GLRA2: variants seen among roughly 807,000 people sequenced by gnomAD.
GLRA2 encodes glycine receptor subunit alpha-2.
GLRA2 carries 11 observed loss-of-function variants against 31.6 expected under a neutral mutation model. The observed-to-expected ratio is 0.35, with a 90% CI of 0.22 to 0.58. The LOEUF (loss-of-function observed/expected upper bound fraction) is 0.58. GLRA2 is among the 20% of genes least tolerant of loss of function. GLRA2 has a pLI of 0.84. For synonymous variants in GLRA2, 132 were observed against 134.0 expected (o/e 0.99, Z 0.10); for missense variants, 212 against 351.8 (o/e 0.60, Z 3.18).
At chrX:14,545,858 C>T (rs765790071) in intron 2 of GLRA2, among the ~76,000 whole-genome samples, 1 of 110,969 alleles carries the variant, frequency 9.0e-6, no homozygotes, top group East Asian at 2.9e-4. Context: ...TCTTTGGAAT[C>T]CTGAGATTTG....
intron 7 of GLRA2, among the ~76,000 whole-genome samples, chrX:14,666,103 A>C (rs1449673421): frequency 8.9e-6 from 1 of 112,490 alleles, no homozygotes; most frequent in South Asian, 3.7e-4. Context: ...AGAGAAAATC[A>C]GGCAAAATGA....
intron 7 of GLRA2, among the ~76,000 whole-genome samples, chrX:14,682,306 C>T (rs1569521144): frequency 9.0e-6 from 1 of 110,846 alleles, no homozygotes; most frequent in Non-Finnish European, 1.9e-5. Flanking sequence ...AGTGCTAGAT[C>T]ATTTTATCAC....
chrX:14,480,068 G>A, the GLRA2 span, among the ~76,000 whole-genome samples: 2 of 111,692 alleles, frequency 1.8e-5, no homozygotes, highest in South Asian at 7.5e-4. Context: ...CACTCTGACT[G>A]TTGTAAGATG....
At chrX:14,550,115 T>C in intron 2 of GLRA2, among the ~76,000 whole-genome samples, 1 of 110,653 alleles carries the variant, frequency 9.0e-6, no homozygotes, top group Non-Finnish European at 1.9e-5. Flanking sequence ...AGAGTGGTGA[T>C]ACAAAAGCCC....
chrX:14,522,573 A>G, the GLRA2 span, among the ~76,000 whole-genome samples: 1 of 112,380 alleles, frequency 8.9e-6, no homozygotes, highest in Non-Finnish European at 1.9e-5. Context: ...ATCACTGTCT[A>G]TGGCAGCTAT....
At chrX:14,593,809 A>G (rs2090170597) in intron 4 of GLRA2, among the ~76,000 whole-genome samples, 1 of 112,947 alleles carries the variant, frequency 8.9e-6, no homozygotes, top group Non-Finnish European at 1.9e-5. Flanking sequence ...TACTTGTACC[A>G]TTCAGGCTCC....
Position 14,730,291 on chromosome X carries a change from G to A in GLRA2, c.1165G>A (p.Val389Ile). 1 of 1,208,171 alleles carries A rather than the reference G, an allele frequency of 8.3e-7. No individual in the cohort carries two copies. Among genetic ancestry groups the A allele is most frequent in the Non-Finnish European group, 1.1e-6 (1 of 892,438 alleles). Reference protein sequence around the residue: ...HCLQVKDGTAVKATPANPLPQ... With the variant: ...HCLQVKDGTAIKATPANPLPQ... ...CCTCCAAGTGAAAGATGGAACAGCT[G>A]TCAAGGCCACACCTGCCAACCCACT... The change falls in exon 9 of 9, where the codon GTC becomes ATC. Residue 389 changes from valine to isoleucine, a missense_variant. Physicochemically the swap from Val to Ile is conservative, Grantham distance 29. This residue lies in a region of GLRA2 where 42 missense variants were observed against 52.0 expected (regional missense o/e 0.81). Coordinates refer to ENST00000218075, the MANE Select transcript of GLRA2 (RefSeq NM_002063.4).
At chrX:14,513,033 T>C in the GLRA2 span, among the ~76,000 whole-genome samples, 1 of 111,813 alleles carries the variant, frequency 8.9e-6, no homozygotes, top group Non-Finnish European at 1.9e-5. Context: ...AAGGCCATAG[T>C]CACCAAAACA....
chrX:14,655,438 C>G (rs2090929912), intron 7 of GLRA2, among the ~76,000 whole-genome samples: 1 of 111,302 alleles, frequency 9.0e-6, no homozygotes, highest in African/African-American at 3.3e-5. Flanking sequence ...GGCTTAACTT[C>G]ATTTTTGTTC....
chrX:14,670,965 A>AT (rs1469980154), intron 7 of GLRA2, among the ~76,000 whole-genome samples: 7 of 111,834 alleles, frequency 6.3e-5, no homozygotes, highest in Non-Finnish European at 1.1e-4. Flanking sequence ...ATGCTGAATG[A>AT]TTCTCGCACA....
chrX:14,727,334 A>G (rs761460616), intron 8 of GLRA2, among the ~76,000 whole-genome samples: 12 of 112,261 alleles, frequency 1.1e-4, no homozygotes, highest in Admixed American at 1.9e-4. Context: ...CTTTGAAAGA[A>G]TAAGTAGCTT....
intron 2 of GLRA2, among the ~76,000 whole-genome samples, chrX:14,570,348 A>G (rs1024898122): frequency 8.9e-6 from 1 of 112,826 alleles, no homozygotes; most frequent in African/African-American, 3.2e-5. Context: ...AAGAAACTAC[A>G]TAACTATTCA....
chrX:14,466,162 C>A, the GLRA2 span, among the ~76,000 whole-genome samples: 1 of 111,417 alleles, frequency 9.0e-6, no homozygotes, highest in South Asian at 3.7e-4. Context: ...GGCAGAATCC[C>A]CAACTAAGGG....
chrX:14,716,264 A>T (rs1053829615), intron 8 of GLRA2, among the ~76,000 whole-genome samples: 1 of 111,642 alleles, frequency 9.0e-6, no homozygotes, highest in South Asian at 3.8e-4. Flanking sequence ...CAAATGTCCT[A>T]TCTCTTCATT....
At chrX:14,661,097 CATGA>C (rs552553651) in intron 7 of GLRA2, among the ~76,000 whole-genome samples, 46,440 of 108,122 alleles carry the variant, frequency 0.43, 8,252 homozygotes, top group Non-Finnish European at 0.54. Context: ...AAAGATGCTA[CATGA>C]ATGAATGAAT....
chrX:14,666,736 C>T (rs1163784030), intron 7 of GLRA2, among the ~76,000 whole-genome samples: 3 of 111,926 alleles, frequency 2.7e-5, no homozygotes, highest in East Asian at 5.5e-4. Context: ...TATCTCAATA[C>T]TTACAGCAAA....
At chrX:14,699,368 T>C (rs921807181) in intron 8 of GLRA2, among the ~76,000 whole-genome samples, 2 of 112,399 alleles carry the variant, frequency 1.8e-5, no homozygotes, top group Non-Finnish European at 3.8e-5. Context: ...TAAATAGAAA[T>C]TGTGGCTGCT....
the GLRA2 span, among the ~76,000 whole-genome samples, chrX:14,465,170 T>A: frequency 8.9e-6 from 1 of 112,083 alleles, no homozygotes; most frequent in South Asian, 3.7e-4. Context: ...ATTTCTTTCA[T>A]CGGTGTTTTG....
At chrX:14,571,991 C>A (rs1376678741) in intron 2 of GLRA2, among the ~76,000 whole-genome samples, 2 of 111,860 alleles carry the variant, frequency 1.8e-5, no homozygotes, top group African/African-American at 3.2e-5. Flanking sequence ...AGCAATTTAA[C>A]CTCTCTAACA....
Sources: gnomAD v4.1 joint callset for allele counts (sites outside exome capture counted in the v4.1 genomes callset) on GRCh38, gnomAD v4.1.1 for gene constraint, gnomAD v4.1.1 regional missense constraint, MANE v1.5 for transcripts, NCBI Gene and HGNC (gene_info 2026-07-23, HGNC 2026-07-21) for gene names.